The following TCF12 variants were observed in gnomAD, a reference collection of about 807,000 sequenced individuals.
The protein encoded by TCF12 is DNA-binding protein HTF4.
Under a neutral mutation model 86.0 loss-of-function variants are expected in TCF12, and 45 were observed. The observed-to-expected ratio is 0.52, with a 90% confidence interval of 0.41 to 0.67. TCF12 has a LOEUF of 0.67. Ranked by LOEUF, TCF12 falls within the 30% of genes least tolerant of loss-of-function variation. The pLI, the probability that TCF12 is intolerant of heterozygous loss-of-function variation, is 0.00. For missense variants in TCF12, 881 were observed against 859.9 expected, an observed-to-expected ratio of 1.02 and a Z score of -0.31; for synonymous variants, 330 against 299.6, an observed-to-expected ratio of 1.10 and a Z score of -1.05.
intron 6 of TCF12, among the ~76,000 whole-genome samples, chr15:57,190,594 A>C (rs1294586744): frequency 6.6e-6 from 1 of 152,068 alleles, no homozygotes; most frequent in African/African-American, 2.4e-5. Flanking sequence ...CTGTCTTTCA[A>C]GTCTCTGTGA....
At chr15:57,229,870 G>C (rs1334943864) in intron 8 of TCF12, among the ~76,000 whole-genome samples, 2 of 151,614 alleles carry the variant, frequency 1.3e-5, no homozygotes, top group African/African-American at 4.8e-5. Flanking sequence ...ATTTGCAAGG[G>C]GTCTTTACAG....
rs1453645270 is a variant in TCF12, at chr15:57,262,009, A to G, written c.1468-85A>G. 7.0e-6 allele frequency: 6 copies of G among 860,754 alleles called. No individual in the cohort carries two copies. In the Admixed American group the frequency reaches 1.1e-4, roughly 16 times the overall value. 53.3% of individuals were successfully genotyped at this position (860,754 alleles called of 1,614,324 possible). ...TCAGATGAGTGACACTGTTTTCTCT[A>G]TTAAACCTAGTAAAATAATTTGGAC... is the stretch of plus-strand genomic sequence containing the variant. On this transcript the variant is annotated intron_variant, in intron 16 of 20. Transcript: ENST00000333725.
chr15:57,151,798 A>T (rs568010765), intron 5 of TCF12, among the ~76,000 whole-genome samples: 1 of 152,208 alleles, frequency 6.6e-6, no homozygotes, highest in South Asian at 2.1e-4. Flanking sequence ...ATAAACTACA[A>T]ACTTTTAACT....
chr15:57,198,475 G>T (rs1212451503), intron 8 of TCF12, among the ~76,000 whole-genome samples: 1 of 152,164 alleles, frequency 6.6e-6, no homozygotes. Context: ...AGGTTGGAAA[G>T]GTTTGGTGGA....
chr15:57,165,409 CAG>C (rs1436517418), intron 5 of TCF12, among the ~76,000 whole-genome samples: 1 of 151,860 alleles, frequency 6.6e-6, no homozygotes, highest in Non-Finnish European at 1.5e-5. Context: ...TAAATGCAAA[CAG>C]TAATGTATAT....
intron 6 of TCF12, among the ~76,000 whole-genome samples, chr15:57,171,017 C>T (rs1203015558): frequency 6.7e-6 from 1 of 149,948 alleles, no homozygotes; most frequent in Non-Finnish European, 1.5e-5. Flanking sequence ...AGAAACCCAA[C>T]TCCTCTGTGT....
At chr15:56,988,418 A>G (rs756043418) in intron 3 of TCF12, among the ~76,000 whole-genome samples, 10 of 152,218 alleles carry the variant, frequency 6.6e-5, no homozygotes, top group Non-Finnish European at 1.3e-4. Context: ...TAGAAAAAGT[A>G]CAATAAAAAT....
At chr15:57,140,817 T>G (rs1282864736) in intron 5 of TCF12, among the ~76,000 whole-genome samples, 2 of 152,210 alleles carry the variant, frequency 1.3e-5, no homozygotes, top group African/African-American at 4.8e-5. Context: ...TCTATCTTAC[T>G]CTGCAATTTG....
intron 3 of TCF12, among the ~76,000 whole-genome samples, chr15:57,057,697 G>A (rs2068138513): frequency 6.6e-6 from 1 of 152,116 alleles, no homozygotes; most frequent in Admixed American, 6.6e-5. Context: ...TGAATGAGTT[G>A]GGAAGCCATT....
chr15:57,054,199 C>T (rs1440177826), intron 3 of TCF12, among the ~76,000 whole-genome samples: 1 of 152,000 alleles, frequency 6.6e-6, no homozygotes, highest in African/African-American at 2.4e-5. Flanking sequence ...AGTACATGGG[C>T]CTCATTACAG....
At chr15:57,258,815 TA>T (rs1394942411) in intron 16 of TCF12, among the ~76,000 whole-genome samples, 1 of 152,166 alleles carries the variant, frequency 6.6e-6, no homozygotes, top group Non-Finnish European at 1.5e-5. Flanking sequence ...AGAGAAACTA[TA>T]TTTTTCTTAG....
chr15:57,215,705 C>T (rs2058305167), intron 8 of TCF12, among the ~76,000 whole-genome samples: 1 of 152,120 alleles, frequency 6.6e-6, no homozygotes, highest in Admixed American at 6.6e-5. Flanking sequence ...ACATAATTCA[C>T]TTCAATTAAA....
intron 6 of TCF12, among the ~76,000 whole-genome samples, chr15:57,176,831 C>A (rs2055947103): frequency 6.6e-6 from 1 of 152,106 alleles, no homozygotes; most frequent in Non-Finnish European, 1.5e-5. Context: ...GGAATGATGG[C>A]ACTATAAGAA....
At chr15:56,928,072 T>C (rs921473087) in intron 3 of TCF12, among the ~76,000 whole-genome samples, 1 of 152,032 alleles carries the variant, frequency 6.6e-6, no homozygotes, top group East Asian at 1.9e-4. Context: ...GACAATATAG[T>C]GTATTGGAAA....
intron 5 of TCF12, among the ~76,000 whole-genome samples, chr15:57,163,604 G>A (rs1422901151): frequency 6.6e-6 from 1 of 152,210 alleles, no homozygotes; most frequent in Non-Finnish European, 1.5e-5. Context: ...TTGGGAGGCT[G>A]AGGTGGGAGG....
At chr15:57,068,791 G>T (rs559260382) in intron 4 of TCF12, among the ~76,000 whole-genome samples, 32 of 152,150 alleles carry the variant, frequency 2.1e-4, no homozygotes, top group Non-Finnish European at 4.1e-4. Flanking sequence ...TGTGACCATG[G>T]GAAAGTTACT....
intron 5 of TCF12, among the ~76,000 whole-genome samples, chr15:57,126,984 C>T (rs1445466089): frequency 2.9e-5 from 4 of 137,548 alleles, no homozygotes; most frequent in Admixed American, 7.2e-5. Flanking sequence ...TTTTTCTTTT[C>T]TTTTTTTTTT....
At chr15:57,221,411 T>TGTGTGTGC (rs767502002) in intron 8 of TCF12, among the ~76,000 whole-genome samples, 9 of 147,460 alleles carry the variant, frequency 6.1e-5, no homozygotes, top group African/African-American at 2.2e-4. Flanking sequence ...TGTGTGTGTG[T>TGTGTGTGC]GCACGTGTAT....
At position 56,934,916 on chromosome 15, in the gene TCF12, G is replaced by A. The variant is rs184947445; in HGVS notation, c.148+13818G>A. The stretch of plus-strand genomic sequence containing the variant: ...AGGGTCATGGAACGATTTGACAGTT[G>A]CGTGACTGGACTCAAGAAAATTTTG... On this transcript the variant is annotated intron_variant, in intron 3 of 20. Coordinates refer to ENST00000333725, the MANE Select transcript of TCF12 (RefSeq NM_207037.2). Among the ~76,000 whole-genome samples the A allele has an allele frequency of 5.5e-3, 835 of 152,236 alleles. 6 individuals are homozygous for A. Among genetic ancestry groups the A allele is most frequent in the Non-Finnish European group, 7.1e-3 (482 of 68,000 alleles).
Sources: gnomAD v4.1 joint callset for allele counts (sites outside exome capture counted in the v4.1 genomes callset) on GRCh38, gnomAD v4.1.1 for gene constraint, MANE v1.5 for transcripts, NCBI Gene and HGNC (gene_info 2026-07-23, HGNC 2026-07-21) for gene names.